FREM3: variants seen among roughly 807,000 people sequenced by gnomAD.
FREM3 encodes FRAS1-related extracellular matrix protein 3.
A neutral mutation model predicts 129.1 loss-of-function variants in FREM3; 105 were observed. The observed-to-expected ratio is 0.81, with a 90% CI of 0.69 to 0.96. FREM3 has a LOEUF of 0.96. Ranked by LOEUF, FREM3 falls within the 40% of genes least tolerant of loss-of-function variation. The probability of loss-of-function intolerance (pLI) is 0.00; values close to 1 mark genes in which losing one functional copy is unlikely to be tolerated. For missense variants in FREM3, 2,593 were observed against 2,666.3 expected, an observed-to-expected ratio of 0.97 and a Z score of 0.61; for synonymous variants, 1,014 against 1,044.9, an observed-to-expected ratio of 0.97 and a Z score of 0.57.
In FREM3 at chr4:143,627,698, C is replaced by G. The variant is rs1009182974; in HGVS notation, c.5338G>C (p.Glu1780Gln). 2.0e-6 allele frequency: 3 copies of G among 1,534,302 alleles called. No homozygotes were observed. The highest frequency in any genetic ancestry group is 2.6e-6 in the Non-Finnish European group (3 of 1,144,336). ...LNWAWICLEK[E>Q]YYIVDEDSTF... ...GAATCTTCATCCACAATGTAGTACT[C>G]TTTCTCCAAACAAATCCAAGCCCAG... Residue 1780 changes from glutamate to glutamine, a missense_variant, in exon 3 of 8, where the codon GAG becomes CAG. This residue lies in a region of FREM3 where 2,276 missense variants were observed against 2,267.2 expected (regional missense o/e 1.00). Coordinates refer to ENST00000329798, the MANE Select transcript of FREM3 (RefSeq NM_001168235.2).
intron 2 of FREM3, among the ~76,000 whole-genome samples, chr4:143,690,341 A>T (rs1046340143): frequency 6.6e-6 from 1 of 152,044 alleles, no homozygotes; most frequent in African/African-American, 2.4e-5. Flanking sequence ...TTAATTAGAA[A>T]CCTTCATGGT....
At chr4:143,660,856 G>T (rs1739701934) in intron 2 of FREM3, among the ~76,000 whole-genome samples, 1 of 152,074 alleles carries the variant, frequency 6.6e-6, no homozygotes, top group Admixed American at 6.5e-5. Context: ...ATTGTGAATG[G>T]GAGTTCACTC....
intron 5 of FREM3, among the ~76,000 whole-genome samples, chr4:143,615,352 A>G (rs1439938201): frequency 6.6e-6 from 1 of 152,182 alleles, no homozygotes; most frequent in Non-Finnish European, 1.5e-5. Context: ...TAATATGTAC[A>G]TTTTAGTAGG....
chr4:143,695,705 A>G lies in FREM3; in HGVS notation c.4971T>C (p.Asn1657=), dbSNP rs1740552912. The change falls in exon 1 of 8, where the codon AAT becomes AAC. Residue 1657 remains asparagine (N), a synonymous_variant. Transcript: ENST00000329798. ...VMRVQIRSLD[N]RLPQITTNRG... ...TGTTGGTAGTAATCTGGGGAAGCCT[A>G]TTGTCTAATGATCTTATCTGGACCC... The G allele has an allele frequency of 2.6e-6, 4 of 1,537,190 alleles. No homozygotes were observed. Among genetic ancestry groups the G allele is most frequent in the Non-Finnish European group, 3.5e-6 (4 of 1,146,920 alleles).
At chr4:143,582,121 C>T (rs930616193) in intron 7 of FREM3, among the ~76,000 whole-genome samples, 37 of 152,146 alleles carry the variant, frequency 2.4e-4, no homozygotes, top group African/African-American at 8.4e-4. Flanking sequence ...AGTCAAAAGC[C>T]CTTTGCCATT....
chr4:143,629,928 G>T (rs1176833791), intron 2 of FREM3, among the ~76,000 whole-genome samples: 1 of 152,094 alleles, frequency 6.6e-6, no homozygotes, highest in African/African-American at 2.4e-5. Flanking sequence ...AGCAAAGTAG[G>T]AAAAATCTAT....
chr4:143,627,595 C>G lies in FREM3; in HGVS notation c.5422+19G>C. ...TGTTTCCATGACCTTTTACCAACAA[C>G]CAATCCAAAGTTACTTACTGATAAA... is the stretch of plus-strand genomic sequence containing the variant. On this transcript the variant is annotated intron_variant, in intron 3 of 7. Transcript: ENST00000329798. 8 of 1,530,870 alleles carry G rather than the reference C, an allele frequency of 5.2e-6. No individual in the cohort carries two copies. Among genetic ancestry groups the G allele is most frequent in the Non-Finnish European group, 7.0e-6 (8 of 1,141,416 alleles). 94.8% of individuals were successfully genotyped at this position (1,530,870 alleles called of 1,614,324 possible).
chr4:143,698,672 T>G lies in FREM3; in HGVS notation c.2004A>C (p.Val668=), dbSNP rs1228919796. The change falls in exon 1 of 8, where the codon GTA becomes GTC. Residue 668 remains valine (V), a synonymous_variant. Transcript: ENST00000329798. ...GCACATGGAAAGCCAGCTGGACCAT[T>G]ACAGATTGAGGGCTGTGTGGTCCAA... The part of the protein sequence containing the change: ...RHLGPHSPQS[V]MVQLAFHVQD... The G allele has an allele frequency of 6.5e-7, 1 of 1,537,568 alleles. No homozygotes were observed.
intron 2 of FREM3, among the ~76,000 whole-genome samples, chr4:143,631,764 G>A (rs746307774): frequency 4.6e-5 from 7 of 152,082 alleles, no homozygotes; most frequent in Non-Finnish European, 1.0e-4. Context: ...TAATATGGAG[G>A]GAGAAGAAGG....
intron 6 of FREM3, among the ~76,000 whole-genome samples, chr4:143,593,260 T>G (rs1398235152): frequency 6.6e-6 from 1 of 152,188 alleles, no homozygotes; most frequent in Non-Finnish European, 1.5e-5. Flanking sequence ...CTGTCCAGCT[T>G]TGTTCCGTTG....
intron 1 of FREM3, among the ~76,000 whole-genome samples, chr4:143,694,452 AT>A (rs141466049): frequency 0.022 from 3,286 of 152,314 alleles, 136 homozygotes; most frequent in African/African-American, 0.073. Context: ...TTGGGTAATA[AT>A]TTGTTATGAA....
At chr4:143,634,250 A>G (rs1739195999) in intron 2 of FREM3, among the ~76,000 whole-genome samples, 1 of 152,192 alleles carries the variant, frequency 6.6e-6, no homozygotes, top group African/African-American at 2.4e-5. Context: ...TAAATTCAGG[A>G]GTAATTATTA....
intron 2 of FREM3, among the ~76,000 whole-genome samples, chr4:143,657,812 T>C (rs916597769): frequency 1.3e-5 from 2 of 152,140 alleles, no homozygotes; most frequent in African/African-American, 4.8e-5. Context: ...ATACTAGATA[T>C]GGAATAAGAA....
chr4:143,691,463 C>G (rs1452352874), intron 2 of FREM3, among the ~76,000 whole-genome samples: 1 of 152,072 alleles, frequency 6.6e-6, no homozygotes, highest in Admixed American at 6.5e-5. Context: ...TGATTCTATT[C>G]CAGTAAGGAC....
At chr4:143,691,777 T>A (rs1208482869) in intron 2 of FREM3, among the ~76,000 whole-genome samples, 1 of 152,218 alleles carries the variant, frequency 6.6e-6, no homozygotes, top group Non-Finnish European at 1.5e-5. Flanking sequence ...CACAGACTGA[T>A]TTTTGTTTGT....
intron 2 of FREM3, among the ~76,000 whole-genome samples, chr4:143,672,896 C>G (rs1740024269): frequency 6.6e-6 from 1 of 152,218 alleles, no homozygotes. Context: ...GCTAATGAAG[C>G]TTGTGCATTC....
At chr4:143,658,927 C>T (rs1739647753) in intron 2 of FREM3, among the ~76,000 whole-genome samples, 2 of 152,010 alleles carry the variant, frequency 1.3e-5, no homozygotes, top group Admixed American at 6.6e-5. Context: ...CCCCAAATCT[C>T]CTTTGCTTTT....
At chr4:143,624,468 C>A (rs1207788713) in intron 3 of FREM3, 130 bp from the exon 4 acceptor site, 2 of 620,254 alleles carry the variant, frequency 3.2e-6, no homozygotes, top group Non-Finnish European at 2.8e-6. Context: ...TCCCAAAAGA[C>A]ACTTGTAAAT....
rs550858850 is a variant in FREM3 at position 143,632,205 on chromosome 4, C to A, written c.5276-4445G>T. Among the ~76,000 whole-genome samples the A allele has an allele frequency of 2.1e-3, 323 of 151,912 alleles. 1 individual carries two copies. The highest frequency in any genetic ancestry group is 6.7e-3 in the African/African-American group (277 of 41,480). On this transcript the variant is annotated intron_variant, in intron 2 of 7. Coordinates refer to ENST00000329798, the MANE Select transcript of FREM3 (RefSeq NM_001168235.2). ...AGTGTTGAGGATAGAACAGTGAAATCAAAAAAATCCTTGTTCTTGTGTAGC... is the reference window on the plus strand; with the variant it reads ...AGTGTTGAGGATAGAACAGTGAAATAAAAAAAATCCTTGTTCTTGTGTAGC...
Sources: gnomAD v4.1 joint callset for allele counts (sites outside exome capture counted in the v4.1 genomes callset) on GRCh38, gnomAD v4.1.1 for gene constraint, gnomAD v4.1.1 regional missense constraint, MANE v1.5 for transcripts, NCBI Gene and HGNC (gene_info 2026-07-23, HGNC 2026-07-21) for gene names.